Variants in TENM2 observed in about 807,000 individuals in gnomAD.
TENM2 encodes the protein teneurin transmembrane protein 2, also known as teneurin-2.
Under a neutral mutation model 245.2 loss-of-function variants are expected in TENM2, and 52 were observed. The observed-to-expected ratio is 0.21, with a 90% confidence interval of 0.17 to 0.27. The LOEUF (loss-of-function observed/expected upper bound fraction) is 0.27, where lower values mean the gene tolerates loss of function less well. TENM2 is among the 10% of genes least tolerant of loss of function. The pLI is 1.00. For missense variants in TENM2, 3,046 were observed against 3,666.8 expected, an observed-to-expected ratio of 0.83 and a Z score of 4.37; for synonymous variants, 1,363 against 1,438.9, an observed-to-expected ratio of 0.95 and a Z score of 1.19.
At chr5:167,816,923 G>A (rs1767103968) in intron 2 of TENM2, among the ~76,000 whole-genome samples, 1 of 152,136 alleles carries the variant, frequency 6.6e-6, no homozygotes, top group African/African-American at 2.4e-5. Context: ...GGAAAAATAA[G>A]AGAAATGCTA....
the TENM2 span, among the ~76,000 whole-genome samples, chr5:167,072,279 T>C: frequency 6.6e-6 from 1 of 152,230 alleles, no homozygotes; most frequent in Admixed American, 6.5e-5. Flanking sequence ...TCACTCCCTC[T>C]TTATCAAGCC....
chr5:167,354,484 C>T (rs1759179705), intron 1 of TENM2, among the ~76,000 whole-genome samples: 1 of 152,152 alleles, frequency 6.6e-6, no homozygotes, highest in African/African-American at 2.4e-5. Context: ...CAAGCTTTCC[C>T]TTCACCCCCT....
In TENM2 at chr5:167,742,368, T is replaced by TAA. The variant is rs75184865; in HGVS notation, c.503-133606_503-133605dup. On this transcript the variant is annotated intron_variant, in intron 2 of 28. Transcript: ENST00000518659. ...TAACCCAACCTCTACATAGATAAAT[T>TAA]AAAAAAAAAAAAACCCTGAAGTTCA... Among the ~76,000 whole-genome samples, 124 of 142,598 alleles carry TAA rather than the reference T, an allele frequency of 8.7e-4. 3 individuals carry two copies. In the South Asian group the frequency reaches 0.011, roughly 13 times the overall value. 93.5% of individuals were successfully genotyped at this position (142,598 alleles called of 152,430 possible).
intron 4 of TENM2, among the ~76,000 whole-genome samples, chr5:167,954,874 G>T (rs1365195516): frequency 6.6e-6 from 1 of 152,146 alleles, no homozygotes; most frequent in African/African-American, 2.4e-5. Flanking sequence ...TCATGGATGG[G>T]CATTTGGGTT....
chr5:167,539,193 A>C lies in TENM2; in HGVS notation c.502+163720A>C, dbSNP rs111554233. 1.9e-3 allele frequency among the ~76,000 whole-genome samples: 288 copies of C among 152,302 alleles called. 3 individuals are homozygous for C. The highest frequency in any genetic ancestry group is 6.6e-3 in the African/African-American group (276 of 41,574). ...TTATAGGTCTATTCTTTCAGAACCA[A>C]GTATGTTTAATGTGTGCTTTCATTT... On this transcript the variant is annotated intron_variant, in intron 2 of 28. Coordinates refer to ENST00000518659, the Ensembl canonical transcript of TENM2.
chr5:168,078,231 G>C (rs1285663675), intron 7 of TENM2, among the ~76,000 whole-genome samples: 1 of 152,124 alleles, frequency 6.6e-6, no homozygotes, highest in Admixed American at 6.5e-5. Context: ...GTCTTCTTTT[G>C]AGAAGTGTCT....
At chr5:168,257,148 C>T (rs965791815) in intron 27 of TENM2, among the ~76,000 whole-genome samples, 2 of 152,076 alleles carry the variant, frequency 1.3e-5, no homozygotes, top group Non-Finnish European at 2.9e-5. Context: ...CTTGCCTTCA[C>T]CAGGCAAGCT....
intron 2 of TENM2, among the ~76,000 whole-genome samples, chr5:167,407,067 A>G (rs2127396541): frequency 6.6e-6 from 1 of 152,310 alleles, no homozygotes; most frequent in Non-Finnish European, 1.5e-5. Flanking sequence ...AAAACAAAAG[A>G]AATGAGGATG....
At chr5:167,460,547 A>G (rs941327194) in intron 2 of TENM2, among the ~76,000 whole-genome samples, 1 of 152,162 alleles carries the variant, frequency 6.6e-6, no homozygotes, top group African/African-American at 2.4e-5. Flanking sequence ...AGTTCTTAAC[A>G]TAGAGATGAT....
intron 2 of TENM2, among the ~76,000 whole-genome samples, chr5:167,422,558 T>A (rs1763574291): frequency 6.6e-6 from 1 of 152,206 alleles, no homozygotes; most frequent in Non-Finnish European, 1.5e-5. Flanking sequence ...ATTGGAGTAT[T>A]CTCTAGAATG....
chr5:167,484,072 C>T (rs768127188), intron 2 of TENM2, among the ~76,000 whole-genome samples: 4 of 152,086 alleles, frequency 2.6e-5, no homozygotes, highest in Non-Finnish European at 5.9e-5. Context: ...TGCAGCTGGG[C>T]GTGGTGGCTC....
chr5:167,766,252 C>T (rs540042553), intron 2 of TENM2, among the ~76,000 whole-genome samples: 6 of 151,794 alleles, frequency 4.0e-5, no homozygotes, highest in Non-Finnish European at 7.4e-5. Context: ...TTAATATGTG[C>T]GAGTATTCTA....
Position 168,113,003 on chromosome 5 carries a change from C to T in TENM2, c.1814-5289C>T, listed in dbSNP as rs1794800141. On this transcript the variant is annotated intron_variant, in intron 9 of 28. Coordinates refer to ENST00000518659, the Ensembl canonical transcript of TENM2. ...GTACTAGCTTCAAGTATTTTCACCTCTCTTTTCCAAAGAAATTTTCAAACA... is the reference window on the plus strand; with the variant it reads ...GTACTAGCTTCAAGTATTTTCACCTTTCTTTTCCAAAGAAATTTTCAAACA... 2.6e-5 allele frequency among the ~76,000 whole-genome samples: 4 copies of T among 152,332 alleles called. No homozygotes were observed. In the South Asian group the frequency reaches 8.3e-4, roughly 32 times the overall value.
chr5:167,316,836 C>T (rs1756392408), intron 1 of TENM2, among the ~76,000 whole-genome samples: 1 of 152,156 alleles, frequency 6.6e-6, no homozygotes, highest in Non-Finnish European at 1.5e-5. Context: ...CAGTTAGAAT[C>T]TGGTACTCAT....
intron 23 of TENM2, among the ~76,000 whole-genome samples, chr5:168,221,480 G>A (rs1438296207): frequency 6.6e-6 from 1 of 152,176 alleles, no homozygotes; most frequent in African/African-American, 2.4e-5. Context: ...TGTAAAGCAG[G>A]GCTATGAATG....
intron 2 of TENM2, among the ~76,000 whole-genome samples, chr5:167,739,750 A>G (rs1761046213): frequency 6.6e-6 from 1 of 152,180 alleles, no homozygotes; most frequent in African/African-American, 2.4e-5. Flanking sequence ...TGAAATCCCA[A>G]CTAAGACCAC....
intron 13 of TENM2, among the ~76,000 whole-genome samples, chr5:168,168,140 AT>A (rs1758471790): frequency 1.3e-5 from 2 of 152,184 alleles, no homozygotes. Context: ...GTTCTGATTT[AT>A]TAGTCAGACA....
intron 1 of TENM2, among the ~76,000 whole-genome samples, chr5:167,372,928 G>A (rs987773362): frequency 2.0e-5 from 3 of 152,170 alleles, no homozygotes; most frequent in African/African-American, 4.8e-5. Flanking sequence ...CAGTACCAAG[G>A]ATGCAAACTG....
At chr5:166,988,710 A>G in the TENM2 span, among the ~76,000 whole-genome samples, 1 of 152,182 alleles carries the variant, frequency 6.6e-6, no homozygotes. Context: ...TTCTGCCCCT[A>G]TCAGTGGCCT....
Sources: allele counts gnomAD v4.1 joint callset (sites outside exome capture counted in the v4.1 genomes callset), GRCh38; gene constraint gnomAD v4.1.1; transcripts MANE v1.5; gene names NCBI Gene and HGNC (gene_info 2026-07-23, HGNC 2026-07-21).